Variants in DISC1 observed in about 807,000 individuals in gnomAD.
DISC1 encodes disrupted in schizophrenia 1 protein.
In DISC1, 57 loss-of-function variants were observed where a neutral mutation model predicts 84.5. That is an observed-to-expected ratio of 0.67 (90% CI 0.55 to 0.84). The LOEUF is 0.84. Ranked by LOEUF, DISC1 falls within the 40% of genes least tolerant of loss-of-function variation. The pLI, the probability that DISC1 is intolerant of heterozygous loss-of-function variation, is 0.00. For missense variants in DISC1, 1,000 were observed against 1,057.8 expected, an observed-to-expected ratio of 0.95 and a Z score of 0.76; for synonymous variants, 411 against 415.2, an observed-to-expected ratio of 0.99 and a Z score of 0.12.
At chr1:231,765,439 T>TA (rs1298975085) in intron 4 of DISC1, among the ~76,000 whole-genome samples, 1 of 152,194 alleles carries the variant, frequency 6.6e-6, no homozygotes, top group Non-Finnish European at 1.5e-5. Context: ...TAATTTGATA[T>TA]AACTTTTTAT....
At chr1:232,020,633 C>T (rs781389146) in intron 11 of DISC1, among the ~76,000 whole-genome samples, 8 of 152,212 alleles carry the variant, frequency 5.3e-5, no homozygotes, top group Non-Finnish European at 8.8e-5. Flanking sequence ...CTGATTAATA[C>T]ACCTGGCTTA....
At chr1:231,756,263 C>G (rs1380338844) in intron 4 of DISC1, among the ~76,000 whole-genome samples, 2 of 152,164 alleles carry the variant, frequency 1.3e-5, no homozygotes, top group Non-Finnish European at 2.9e-5. Context: ...ACTGCCTCTC[C>G]CTTGAATGAC....
At chr1:231,916,278 G>A in intron 9 of DISC1, among the ~76,000 whole-genome samples, 1 of 152,152 alleles carries the variant, frequency 6.6e-6, no homozygotes, top group African/African-American at 2.4e-5. Context: ...AGTGCAGCCT[G>A]CCTTCTGTGA....
intron 10 of DISC1, among the ~76,000 whole-genome samples, chr1:231,978,915 G>A (rs1418773426): frequency 6.6e-6 from 1 of 152,150 alleles, no homozygotes; most frequent in African/African-American, 2.4e-5. Flanking sequence ...ACCAGTCCGC[G>A]GCCTGTTGAG....
intron 1 of DISC1, among the ~76,000 whole-genome samples, chr1:231,676,399 G>A (rs932800081): frequency 6.6e-6 from 1 of 152,218 alleles, no homozygotes; most frequent in East Asian, 1.9e-4. Context: ...CTGTCCCACC[G>A]GTCTGTGTCT....
chr1:231,629,597 G>A (rs2058541293), intron 1 of DISC1: 2 of 152,608 alleles, frequency 1.3e-5, no homozygotes, highest in Admixed American at 1.3e-4. Context: ...AAAAAATACT[G>A]TAATCTCACC....
chr1:231,683,320 A>G (rs754615949), intron 1 of DISC1, among the ~76,000 whole-genome samples: 1 of 152,120 alleles, frequency 6.6e-6, no homozygotes, highest in Non-Finnish European at 1.5e-5. Context: ...AATCACCTGG[A>G]TAGTGTCAAG....
chr1:231,880,760 G>A (rs990558333), intron 9 of DISC1, among the ~76,000 whole-genome samples: 3 of 152,050 alleles, frequency 2.0e-5, no homozygotes, highest in Admixed American at 2.0e-4. Flanking sequence ...GCAAGGTGGG[G>A]GGGGGGTGAA....
intron 1 of DISC1, among the ~76,000 whole-genome samples, chr1:231,627,751 T>A (rs2058380853): frequency 6.6e-6 from 1 of 152,220 alleles, no homozygotes; most frequent in South Asian, 2.1e-4. Flanking sequence ...TCGCTTAACC[T>A]CTCAGAGCCT....
At chr1:231,937,824 G>A (rs2091074477) in intron 9 of DISC1, among the ~76,000 whole-genome samples, 1 of 152,030 alleles carries the variant, frequency 6.6e-6, no homozygotes, top group African/African-American at 2.4e-5. Flanking sequence ...TTGCGTGTGT[G>A]CATGAAAGCA....
intron 9 of DISC1, among the ~76,000 whole-genome samples, chr1:231,889,929 A>G (rs2087075527): frequency 6.6e-6 from 1 of 152,200 alleles, no homozygotes; most frequent in African/African-American, 2.4e-5. Context: ...TTGCTGTCAC[A>G]TGTAGCTATA....
chr1:231,682,954 T>G (rs1266896455), intron 1 of DISC1, among the ~76,000 whole-genome samples: 1 of 152,232 alleles, frequency 6.6e-6, no homozygotes, highest in African/African-American at 2.4e-5. Context: ...GGTGGCCTGT[T>G]TCTCCTCATT....
intron 10 of DISC1, among the ~76,000 whole-genome samples, chr1:231,977,146 A>G (rs1191709312): frequency 6.6e-6 from 1 of 152,240 alleles, no homozygotes; most frequent in East Asian, 1.9e-4. Flanking sequence ...CACCTTATAA[A>G]TTCAACAAAT....
chr1:231,832,590 C>T (rs183808047), intron 9 of DISC1, among the ~76,000 whole-genome samples: 298 of 151,362 alleles, frequency 2.0e-3, no homozygotes, highest in Non-Finnish European at 3.3e-3. Context: ...CAGTACAGCC[C>T]AGGTAATTTG....
chr1:231,731,617 A>G (rs2071525915), intron 3 of DISC1, among the ~76,000 whole-genome samples: 1 of 152,126 alleles, frequency 6.6e-6, no homozygotes, highest in Admixed American at 6.5e-5. Flanking sequence ...TATTTTTATT[A>G]ATATATCAAG....
At chr1:231,639,190 C>G (rs147726114) in intron 1 of DISC1, among the ~76,000 whole-genome samples, 1 of 152,218 alleles carries the variant, frequency 6.6e-6, no homozygotes, top group East Asian at 1.9e-4. Flanking sequence ...CACAAGCACA[C>G]TTTTCATGTA....
Position 231,741,542 on chromosome 1 carries a change from C to T in DISC1, c.1118-8384C>T, listed in dbSNP as rs529446644. On this transcript the variant is annotated intron_variant, in intron 3 of 12. Coordinates refer to ENST00000439617, the MANE Select transcript of DISC1 (RefSeq NM_018662.3). The stretch of plus-strand genomic sequence containing the variant: ...TACAATGACCAACACTGTGTCATGG[C>T]GCCTCTTGTGTGGATGCATGAGGCC... Among the ~76,000 whole-genome samples, 43 of 152,264 alleles carry T rather than the reference C, an allele frequency of 2.8e-4. No individual in the cohort carries two copies. The South Asian group carries it at 4.6e-3, about 16-fold the overall frequency.
intron 9 of DISC1, among the ~76,000 whole-genome samples, chr1:231,901,004 A>G (rs2088131102): frequency 6.6e-6 from 1 of 152,182 alleles, no homozygotes; most frequent in African/African-American, 2.4e-5. Flanking sequence ...CTCAATGGCA[A>G]GGCAATATGG....
In DISC1 at chr1:231,969,803, A is replaced by G. The variant is rs566498315; in HGVS notation, c.2042+10915A>G. Reference sequence around the variant, plus strand: ...TGTGATGTTCCCCTTCCTGTGTCCAAGTGTTCTCATTGTTCAATTCCCACC... The same window carrying G: ...TGTGATGTTCCCCTTCCTGTGTCCAGGTGTTCTCATTGTTCAATTCCCACC... On this transcript the variant is annotated intron_variant, in intron 10 of 12. Transcript: ENST00000439617. 1.5e-4 allele frequency among the ~76,000 whole-genome samples: 23 copies of G among 151,710 alleles called. No homozygotes were observed. The East Asian group carries it at 3.5e-3, about 23-fold the overall frequency.
Sources: gnomAD v4.1 joint callset for allele counts (sites outside exome capture counted in the v4.1 genomes callset) on GRCh38, gnomAD v4.1.1 for gene constraint, MANE v1.5 for transcripts, NCBI Gene and HGNC (gene_info 2026-07-23, HGNC 2026-07-21) for gene names.